TJP1: variants seen among roughly 807,000 people sequenced by gnomAD.
TJP1 encodes tight junction protein ZO-1.
In TJP1, 43 loss-of-function variants were observed where a neutral mutation model predicts 194.2. That is an observed-to-expected ratio of 0.22 (90% CI 0.17 to 0.29). The LOEUF (loss-of-function observed/expected upper bound fraction) is 0.29. TJP1 is among the 10% of genes least tolerant of loss of function. The pLI, the probability that TJP1 is intolerant of heterozygous loss-of-function variation, is 1.00. For missense variants in TJP1, 1,971 were observed against 2,185.7 expected (o/e 0.90, Z 1.96); for synonymous variants, 801 against 779.0 (o/e 1.03, Z -0.47).
intron 2 of TJP1, among the ~76,000 whole-genome samples, chr15:29,927,858 T>TAAAAGC (rs1344170401): frequency 6.6e-6 from 1 of 152,100 alleles, no homozygotes. Context: ...GGGTACTCTT[T>TAAAAGC]AAAAGCAAAG....
Position 29,822,338 on chromosome 15 carries a change from C to T in TJP1, c.-310G>A, listed in dbSNP as rs896284996. The stretch of plus-strand genomic sequence containing the variant: ...CGTCGGCCTCGCCCGGTCGCCCGCC[C>T]GTCAGCAGCACCCGTGGCCTCCCGG... On this transcript the variant is annotated 5_prime_UTR_variant, in exon 1 of 28. Coordinates refer to ENST00000614355, the MANE Select transcript of TJP1 (RefSeq NM_001330239.4). 12 of 1,069,576 alleles carry T rather than the reference C, an allele frequency of 1.1e-5. No homozygotes were observed. The South Asian group carries it at 5.0e-4, about 44-fold the overall frequency. The allele number at this position is 1,069,576 out of a possible 1,614,324, so 66.3% of individuals were successfully genotyped here.
At chr15:29,776,798 T>C (rs2047042630) in intron 2 of TJP1, among the ~76,000 whole-genome samples, 1 of 152,172 alleles carries the variant, frequency 6.6e-6, no homozygotes, top group Non-Finnish European at 1.5e-5. Flanking sequence ...AGTCTTTAAG[T>C]ACTGAAAAGC....
Position 29,795,393 on chromosome 15 carries a change from G to A in TJP1, c.84+5253C>T, listed in dbSNP as rs1270684207. Among the ~76,000 whole-genome samples, 5 of 150,622 alleles carry A rather than the reference G, an allele frequency of 3.3e-5. No homozygotes were observed. The South Asian group carries it at 1.0e-3, about 32-fold the overall frequency. ...GATGGTACCACTGCACTCCAGCTTGGGTGATACAGCAAGACTCTGTCTCAA... is the reference window on the plus strand; with the variant it reads ...GATGGTACCACTGCACTCCAGCTTGAGTGATACAGCAAGACTCTGTCTCAA... On this transcript the variant is annotated intron_variant, in intron 2 of 27. Coordinates refer to ENST00000614355, the MANE Select transcript of TJP1 (RefSeq NM_001330239.4).
chr15:29,901,592 C>T (rs368210154), intron 2 of TJP1, among the ~76,000 whole-genome samples: 16 of 152,194 alleles, frequency 1.1e-4, no homozygotes, highest in Admixed American at 7.9e-4. Flanking sequence ...GAGGCCAAGG[C>T]GGGTGGATCA....
intron 1 of TJP1, among the ~76,000 whole-genome samples, chr15:29,816,016 CTT>C (rs571146146): frequency 2.1e-5 from 3 of 145,642 alleles, no homozygotes; most frequent in Non-Finnish European, 1.5e-5. Flanking sequence ...GGTGTCTTTC[CTT>C]TTTTTTTTTT....
intron 20 of TJP1, among the ~76,000 whole-genome samples, chr15:29,719,449 A>T (rs1288030382): frequency 2.6e-5 from 4 of 152,216 alleles, no homozygotes; most frequent in African/African-American, 7.2e-5. Flanking sequence ...ATCCTAAAGA[A>T]GATTTATGGG....
At chr15:29,867,754 C>T (rs1370388601) in intron 2 of TJP1, among the ~76,000 whole-genome samples, 1 of 152,018 alleles carries the variant, frequency 6.6e-6, no homozygotes, top group East Asian at 1.9e-4. Flanking sequence ...CCTGTCCCTG[C>T]AAAACATTTT....
intron 2 of TJP1, among the ~76,000 whole-genome samples, chr15:29,932,418 T>C (rs1406039666): frequency 6.6e-6 from 1 of 152,142 alleles, no homozygotes; most frequent in African/African-American, 2.4e-5. Context: ...CTGAGACAAC[T>C]GGTAATCCAC....
At chr15:29,843,447 C>A (rs892388630) in intron 2 of TJP1, among the ~76,000 whole-genome samples, 3 of 152,086 alleles carry the variant, frequency 2.0e-5, no homozygotes, top group African/African-American at 7.2e-5. Flanking sequence ...CCTCAGCCTC[C>A]CAAAATGCTG....
chr15:29,731,804 GAAAA>G (rs796279871), intron 15 of TJP1, among the ~76,000 whole-genome samples: 1 of 137,928 alleles, frequency 7.3e-6, no homozygotes, highest in Non-Finnish European at 1.6e-5. Context: ...GTTTGGCTTG[GAAAA>G]AAAAAAAAGA....
At chr15:29,957,920 C>T (rs1035296972) in intron 1 of TJP1, among the ~76,000 whole-genome samples, 4 of 152,112 alleles carry the variant, frequency 2.6e-5, no homozygotes, top group Non-Finnish European at 5.9e-5. Flanking sequence ...GCAACTTTAT[C>T]ACTTTATTAT....
Position 29,913,190 on chromosome 15 carries a change from A to AG in TJP1, c.306+43041_306+43042insC, listed in dbSNP as rs1491265810. Reference sequence around the variant, plus strand: ...TAGTTCATGAAAGCAGGGGGATCACAAAAAAAAAAGGGGGTAGAATACGGA... The same window carrying AG: ...TAGTTCATGAAAGCAGGGGGATCACAGAAAAAAAAAGGGGGTAGAATACGGA... On this transcript the variant is annotated intron_variant, in intron 2 of 28. Coordinates refer to the TJP1 transcript ENST00000356107. Among the ~76,000 whole-genome samples the AG allele has an allele frequency of 3.7e-4, 52 of 141,698 alleles. 5 individuals carry two copies. Among genetic ancestry groups the AG allele is most frequent in the African/African-American group, 1.3e-3 (50 of 38,192 alleles). 93.0% of individuals were successfully genotyped at this position (141,698 alleles called of 152,430 possible).
intron 1 of TJP1, among the ~76,000 whole-genome samples, chr15:29,821,026 C>A (rs2050298954): frequency 6.6e-6 from 1 of 152,114 alleles, no homozygotes. Context: ...TATCTCGATA[C>A]TATTTGAAGT....
Position 29,839,384 on chromosome 15 carries a change from G to A in TJP1, c.307-38682C>T, listed in dbSNP as rs551892489. Among the ~76,000 whole-genome samples the A allele has an allele frequency of 2.6e-5, 4 of 152,280 alleles. No homozygotes were observed. The East Asian group carries it at 7.7e-4, about 29-fold the overall frequency. On this transcript the variant is annotated intron_variant, in intron 2 of 28. Transcript: ENST00000356107. ...TGGCTGGGTACAGTAGCTCATGCCT[G>A]TAATCCCAACACTTTAAGATGCCAA...
chr15:29,716,373 T>C (rs1027154105), intron 23 of TJP1, among the ~76,000 whole-genome samples: 1 of 152,222 alleles, frequency 6.6e-6, no homozygotes, highest in African/African-American at 2.4e-5. Flanking sequence ...GTTGACACTG[T>C]CTTCCGTCAA....
intron 1 of TJP1, among the ~76,000 whole-genome samples, chr15:29,816,703 ACT>A (rs1393429182): frequency 6.6e-6 from 1 of 152,038 alleles, no homozygotes; most frequent in East Asian, 1.9e-4. Flanking sequence ...GTAATGACTG[ACT>A]CTTGTCATTA....
intron 2 of TJP1, among the ~76,000 whole-genome samples, chr15:29,943,584 G>C (rs1000887387): frequency 7.9e-6 from 1 of 126,282 alleles, no homozygotes; most frequent in Non-Finnish European, 1.6e-5. Context: ...CTGAGATTGT[G>C]CCACTGCATT....
chr15:29,968,634 G>T lies in TJP1; in HGVS notation c.173+33C>A, dbSNP rs1328722450. 9 of 1,013,394 alleles carry T rather than the reference G, an allele frequency of 8.9e-6. No homozygotes were observed. In the Admixed American group the frequency reaches 3.7e-4, roughly 41 times the overall value. The allele number at this position is 1,013,394 out of a possible 1,614,324, so 62.8% of individuals were successfully genotyped here. On this transcript the variant is annotated intron_variant, in intron 1 of 28. Transcript: ENST00000356107. ...CCCCGCCCCGCTCCGCGCCTAGCCC[G>T]GCTGGGGCTCCGCGCCCGCGCGGCC...
chr15:29,792,599 T>C (rs1022844418), intron 2 of TJP1, among the ~76,000 whole-genome samples: 14 of 152,244 alleles, frequency 9.2e-5, no homozygotes, highest in Admixed American at 2.6e-4. Context: ...ACAAAAATTT[T>C]AGGATTGTTT....
Sources: allele counts gnomAD v4.1 joint callset (sites outside exome capture counted in the v4.1 genomes callset), GRCh38; gene constraint gnomAD v4.1.1; transcripts MANE v1.5; gene names NCBI Gene and HGNC (gene_info 2026-07-23, HGNC 2026-07-21).